The following GH1 variants were observed in gnomAD, a reference collection of about 807,000 sequenced individuals.
The protein encoded by GH1 is growth hormone 1, also known as somatotropin.
A neutral mutation model predicts 24.5 loss-of-function variants in GH1; 13 were observed. That is an observed-to-expected ratio of 0.53 (90% CI 0.35 to 0.85). The LOEUF (loss-of-function observed/expected upper bound fraction) is 0.85, where lower values mean the gene tolerates loss of function less well. Among genes scored for constraint, GH1 ranks in the 40% least tolerant of loss-of-function variants. The pLI is 0.01. For synonymous variants in GH1, 126 were observed against 116.3 expected, an observed-to-expected ratio of 1.08 and a Z score of -0.54; for missense variants, 294 against 273.2, an observed-to-expected ratio of 1.08 and a Z score of -0.54.
chr17:63,918,448 C>T lies in GH1; in HGVS notation c.69G>A (p.Glu23=). 1 of 1,614,168 alleles carries T rather than the reference C, an allele frequency of 6.2e-7. No homozygotes were observed. Among genetic ancestry groups the T allele is most frequent in the Non-Finnish European group, 8.5e-7 (1 of 1,180,028 alleles). ...FGLLCLPWLQ[E]GSAFPTIPLS... ...AGGGAATGGTTGGGAAGGCACTGCC[C>T]TCTTGAAGCCAGGGCAGGCAGAGCA... The change falls in exon 2 of 5, where the codon GAG becomes GAA. Residue 23 remains glutamate, a synonymous_variant. Coordinates refer to ENST00000323322, the MANE Select transcript of GH1 (RefSeq NM_000515.5).
intron 4 of GH1, 55 bp downstream of exon 4, chr17:63,917,705 C>T: frequency 6.2e-7 from 1 of 1,614,184 alleles, no homozygotes; most frequent in Non-Finnish European, 8.5e-7. Context: ...TTCTCTAACA[C>T]AGCTCTCAAA....
chr17:63,918,319 A>G (rs1338335588), intron 2 of GH1, 27 bp downstream of exon 2: 2 of 1,613,854 alleles, frequency 1.2e-6, no homozygotes, highest in East Asian at 4.5e-5. Context: ...GCCACCCCTG[A>G]TGCGCACCCA....
At chr17:63,918,181 C>G in intron 2 of GH1, 45 bp from the exon 3 acceptor site, 1 of 1,614,020 alleles carries the variant, frequency 6.2e-7, no homozygotes, top group Non-Finnish European at 8.5e-7. Flanking sequence ...GAGACCAGCT[C>G]CCATTGTTAC....
chr17:63,918,391 G>T lies in GH1; in HGVS notation c.126C>A (p.Arg42=), dbSNP rs751135936. Residue 42 remains arginine, a synonymous_variant, in exon 2 of 5, where the codon CGC becomes CGA. Transcript: ENST00000323322. ...LSRLFDNAML[R]AHRLHQLAFD... is the part of the protein sequence containing the mutation. The stretch of plus-strand genomic sequence containing the variant: ...AGGCCAGCTGGTGCAGACGATGGGC[G>T]CGGAGCATAGCGTTGTCAAAAAGCC... The T allele has an allele frequency of 5.6e-6, 9 of 1,614,062 alleles. No individual in the cohort carries two copies. The highest frequency in any genetic ancestry group is 4.4e-5 in the South Asian group (4 of 91,084).
chr17:63,918,338 G>A lies in GH1; in HGVS notation c.171+8C>T. ...CCCCTGATGCGCACCCATTCCCCAA[G>A]AGCTTACAAACTCCTGGTAGGTGTC... is the stretch of plus-strand genomic sequence containing the variant. On this transcript the variant is annotated splice_region_variant and intron_variant, in intron 2 of 4. Coordinates refer to ENST00000323322, the MANE Select transcript of GH1 (RefSeq NM_000515.5). 1 of 1,614,148 alleles carries A rather than the reference G, an allele frequency of 6.2e-7. No individual in the cohort carries two copies. Among genetic ancestry groups the A allele is most frequent in the Non-Finnish European group, 8.5e-7 (1 of 1,179,984 alleles).
chr17:63,918,602 T>G, intron 1 of GH1, 96 bp from the exon 2 acceptor site: 2 of 1,610,636 alleles, frequency 1.2e-6, no homozygotes, highest in Non-Finnish European at 1.7e-6. Context: ...TCTCCATCCC[T>G]CCAGGGACCA....
chr17:63,918,063 T>C lies in GH1; in HGVS notation c.245A>G (p.Glu82Gly). ...QNPQTSLCFS[E>G]SIPTPSNREE... ...CCTGTTGGAGGGTGTCGGAATAGAC[T>C]CTGAGAAACAGAGGGAGGTCTGGGG... The change falls in exon 3 of 5, where the codon GAG (glutamate) becomes GGG (glycine). Residue 82 changes from glutamate to glycine, a missense_variant. Glu to Gly is a moderately conservative substitution (Grantham distance 98). Coordinates refer to ENST00000323322, the MANE Select transcript of GH1 (RefSeq NM_000515.5). 6.2e-7 allele frequency: 1 copy of C among 1,614,166 alleles called. No individual in the cohort carries two copies.
At position 63,918,367 on chromosome 17, in the gene GH1, G is replaced by C. The variant is rs61735359; in HGVS notation, c.150C>G (p.Ala50=). 1.4e-5 allele frequency: 23 copies of C among 1,614,202 alleles called. No homozygotes were observed. In the Admixed American group the frequency reaches 3.8e-4, roughly 27 times the overall value. Residue 50 remains alanine (A), a synonymous_variant, in exon 2 of 5, where the codon GCC becomes GCG. Coordinates refer to ENST00000323322, the MANE Select transcript of GH1 (RefSeq NM_000515.5). Reference sequence around the variant, plus strand: ...TTACAAACTCCTGGTAGGTGTCAAAGGCCAGCTGGTGCAGACGATGGGCGC... The same window carrying C: ...TTACAAACTCCTGGTAGGTGTCAAACGCCAGCTGGTGCAGACGATGGGCGC... ...MLRAHRLHQL[A]FDTYQEFEEA...
Position 63,918,780 on chromosome 17 carries a change from A to T in GH1, c.-4T>A, listed in dbSNP as rs6173. 62 of 1,613,554 alleles carry T rather than the reference A, an allele frequency of 3.8e-5. No homozygotes were observed. Among genetic ancestry groups the T allele is most frequent in the Non-Finnish European group, 5.1e-5 (60 of 1,179,662 alleles). ...AGGGGCGCTTACCTGTAGCCATTGCAGCTAGGTGAGCTGTCCACAGGACCC... is the reference window on the plus strand; with the variant it reads ...AGGGGCGCTTACCTGTAGCCATTGCTGCTAGGTGAGCTGTCCACAGGACCC... On this transcript the variant is annotated 5_prime_UTR_variant, in exon 1 of 5. Transcript: ENST00000323322.
At chr17:63,918,670 G>A (rs1411268356) in intron 1 of GH1, 97 bp downstream of exon 1, 10 of 1,611,072 alleles carry the variant, frequency 6.2e-6, no homozygotes, top group African/African-American at 1.3e-5. Context: ...ACATTCAGAA[G>A]CCCCAAACCT....
At chr17:63,917,571 C>T (rs528278342) in intron 4 of GH1, 65 bp from the exon 5 acceptor site, 43 of 1,613,960 alleles carry the variant, frequency 2.7e-5, no homozygotes, top group Admixed American at 3.3e-5. Context: ...CTTTCTCATT[C>T]ATTCATTTTC....
chr17:63,917,919 T>C lies in GH1; in HGVS notation c.297A>G (p.Leu99=), dbSNP rs1907453885. Residue 99 remains leucine (L), a synonymous_variant, in exon 4 of 5, where the codon CTA becomes CTG. Coordinates refer to ENST00000323322, the MANE Select transcript of GH1 (RefSeq NM_000515.5). ...GCAGCAGGGAGATGCGGAGCAGCTCTAGGTTCTGCAGGGGAAGGACGGGCA... is the reference window on the plus strand; with the variant it reads ...GCAGCAGGGAGATGCGGAGCAGCTCCAGGTTCTGCAGGGGAAGGACGGGCA... ...NREETQQKSN[L]ELLRISLLLI... 1 of 1,614,042 alleles carries C rather than the reference T, an allele frequency of 6.2e-7. No homozygotes were observed. The highest frequency in any genetic ancestry group is 8.5e-7 in the Non-Finnish European group (1 of 1,180,012).
Position 63,917,231 on chromosome 17 carries a change from G to T in GH1, c.*78C>A, listed in dbSNP as rs1460279538. On this transcript the variant is annotated 3_prime_UTR_variant, in exon 5 of 5. Transcript: ENST00000323322. ...TGCAACTTAATTTTATTAGGACAAG[G>T]CTGGTGGGCACTGGAGTGGCAACTT... is the stretch of plus-strand genomic sequence containing the variant. The T allele has an allele frequency of 1.9e-6, 3 of 1,606,672 alleles. No individual in the cohort carries two copies. In the South Asian group the frequency reaches 3.3e-5, roughly 18 times the overall value.
rs765998918 is a variant in GH1, at chr17:63,918,346, A to G, written c.171T>C (p.Phe57=). 1.2e-6 allele frequency: 2 copies of G among 1,614,156 alleles called. No homozygotes were observed. The highest frequency in any genetic ancestry group is 1.1e-5 in the South Asian group (1 of 91,082). ...GCGCACCCATTCCCCAAGAGCTTAC[A>G]AACTCCTGGTAGGTGTCAAAGGCCA... ...HQLAFDTYQE[F]EEAYIPKEQK... The change falls in exon 2 of 5, where the codon TTT becomes TTC. Residue 57 remains phenylalanine (F), a splice_region_variant and synonymous_variant. Coordinates refer to ENST00000323322, the MANE Select transcript of GH1 (RefSeq NM_000515.5).
Position 63,917,242 on chromosome 17 carries a change from C to T in GH1, c.*67G>A. The T allele has an allele frequency of 6.2e-7, 1 of 1,612,260 alleles. No homozygotes were observed. The highest frequency in any genetic ancestry group is 8.5e-7 in the Non-Finnish European group (1 of 1,178,382). The stretch of plus-strand genomic sequence containing the variant: ...TTTATTAGGACAAGGCTGGTGGGCA[C>T]TGGAGTGGCAACTTCCAGGGCCAGG... On this transcript the variant is annotated 3_prime_UTR_variant, in exon 5 of 5. Coordinates refer to ENST00000323322, the MANE Select transcript of GH1 (RefSeq NM_000515.5).
chr17:63,918,213 C>G, intron 2 of GH1, 77 bp from the exon 3 acceptor site: 1 of 1,612,882 alleles, frequency 6.2e-7, no homozygotes, highest in South Asian at 1.1e-5. Flanking sequence ...CCTCACTCAG[C>G]GTGTGCTCAT....
At chr17:63,917,640 A>G in intron 4 of GH1, 120 bp downstream of exon 4, 1 of 1,613,944 alleles carries the variant, frequency 6.2e-7, no homozygotes, top group Non-Finnish European at 8.5e-7. Context: ...GAAATGAAGA[A>G]TAAGGTGAGT....
In GH1 at chr17:63,917,215, A is replaced by G; in HGVS notation, c.*94T>C. 1 of 1,594,000 alleles carries G rather than the reference A, an allele frequency of 6.3e-7. No individual in the cohort carries two copies. Among genetic ancestry groups the G allele is most frequent in the Non-Finnish European group, 8.6e-7 (1 of 1,164,330 alleles). On this transcript the variant is annotated 3_prime_UTR_variant, in exon 5 of 5. Transcript: ENST00000323322. ...TAGTCAGACAAAATGATGCAACTTAATTTTATTAGGACAAGGCTGGTGGGC... is the reference window on the plus strand; with the variant it reads ...TAGTCAGACAAAATGATGCAACTTAGTTTTATTAGGACAAGGCTGGTGGGC...
intron 1 of GH1, 127 bp downstream of exon 1, chr17:63,918,640 G>T: frequency 1.2e-6 from 2 of 1,609,372 alleles, no homozygotes; most frequent in South Asian, 2.2e-5. Flanking sequence ...GCCAAATACT[G>T]GGCTTACATG....
Sources: gnomAD v4.1 joint callset for allele counts on GRCh38, gnomAD v4.1.1 for gene constraint, MANE v1.5 for transcripts, NCBI Gene and HGNC (gene_info 2026-07-23, HGNC 2026-07-21) for gene names.